The following RBFA variants were observed in gnomAD, a reference collection of about 807,000 sequenced individuals.
RBFA encodes ribosome binding factor A.
RBFA carries 16 observed loss-of-function variants against 27.9 expected under a neutral mutation model. The ratio of observed to expected loss-of-function variants is 0.57; its 90% confidence interval spans 0.39 to 0.87. The LOEUF (loss-of-function observed/expected upper bound fraction) is 0.87. Among genes scored for constraint, RBFA ranks in the 40% least tolerant of loss-of-function variants. The probability of loss-of-function intolerance (pLI) is 0.00; values close to 1 mark genes in which losing one functional copy is unlikely to be tolerated. For synonymous variants in RBFA, 181 were observed against 181.0 expected (o/e 1.00, Z 0.00); for missense variants, 456 against 432.1 (o/e 1.06, Z -0.49).
At position 80,050,058 on chromosome 18, in the gene RBFA, C is replaced by T. The variant is rs2052085621; in HGVS notation, c.*3903C>T. Among the ~76,000 whole-genome samples, 3 of 152,376 alleles carry T rather than the reference C, an allele frequency of 2.0e-5. No homozygotes were observed. The South Asian group carries it at 6.2e-4, about 32-fold the overall frequency. On this transcript the variant is annotated 3_prime_UTR_variant, in exon 7 of 7. Transcript: ENST00000306735. ...GGAATAGAAGTACAGTTTTCTTCCC[C>T]ACTCCTTTTGTCCAGAAGGAAAACC...
intron 3 of RBFA, among the ~76,000 whole-genome samples, chr18:80,038,016 G>T (rs2051992537): frequency 6.6e-6 from 1 of 152,346 alleles, no homozygotes; most frequent in African/African-American, 2.4e-5. Flanking sequence ...TGCAGAGGCA[G>T]ATGTCTCACT....
intron 6 of RBFA, 90 bp downstream of exon 6, chr18:80,044,375 TC>T: frequency 8.7e-7 from 1 of 1,143,318 alleles, no homozygotes. Context: ...CAGCGCCACA[TC>T]CCGAGTAGCC....
chr18:80,039,675 C>G (rs957836926), intron 4 of RBFA, among the ~76,000 whole-genome samples: 1 of 152,222 alleles, frequency 6.6e-6, no homozygotes, highest in Non-Finnish European at 1.5e-5. Flanking sequence ...ACTTGAGACT[C>G]TTCTGATGAG....
At chr18:80,045,059 G>A (rs2052041656) in intron 6 of RBFA, among the ~76,000 whole-genome samples, 1 of 152,244 alleles carries the variant, frequency 6.6e-6, no homozygotes, top group African/African-American at 2.4e-5. Context: ...CCAAAGTGGA[G>A]CCTTGGAGGA....
intron 2 of RBFA, among the ~76,000 whole-genome samples, chr18:80,036,992 G>T (rs746096599): frequency 1.5e-4 from 23 of 152,100 alleles, no homozygotes; most frequent in Non-Finnish European, 2.9e-4. Flanking sequence ...ACAATATATG[G>T]CTCCCATTCT....
chr18:80,040,228 G>C (rs1355592681), intron 4 of RBFA, among the ~76,000 whole-genome samples: 1 of 136,276 alleles, frequency 7.3e-6, no homozygotes, highest in Non-Finnish European at 1.6e-5. Context: ...ACACATAACT[G>C]GGAGGCCTGA....
At chr18:80,042,747 CAG>C (rs2052024919) in intron 5 of RBFA, among the ~76,000 whole-genome samples, 1 of 149,964 alleles carries the variant, frequency 6.7e-6, no homozygotes, top group South Asian at 2.1e-4. Context: ...CTCCAGGCAG[CAG>C]AGTGAGAGAC....
chr18:80,039,081 G>A (rs779164575), intron 4 of RBFA, among the ~76,000 whole-genome samples: 5 of 152,244 alleles, frequency 3.3e-5, no homozygotes, highest in South Asian at 2.1e-4. Context: ...TCGGGATGCC[G>A]AGGCGGGAGG....
intron 6 of RBFA, among the ~76,000 whole-genome samples, chr18:80,045,112 A>G (rs1442202982): frequency 6.6e-6 from 1 of 152,250 alleles, no homozygotes; most frequent in Non-Finnish European, 1.5e-5. Context: ...CTGTTCACCA[A>G]GAATAGACTC....
In RBFA at chr18:80,034,590, G is replaced by A. The variant is rs1270714668; in HGVS notation, c.95G>A (p.Arg32Gln). Residue 32 changes from arginine to glutamine, a missense_variant, in exon 1 of 7, where the codon CGG becomes CAG. Arg to Gln is a conservative substitution (Grantham distance 43). Coordinates refer to ENST00000306735, the MANE Select transcript of RBFA (RefSeq NM_024805.3). ...GCTGCGCTATTTCCAGGCTGCGAGC[G>A]GGGACTTCACTGCTCTGCTGTCTCC... ...RDAALFPGCERGLHCSAVSCK... is the reference protein window; with the variant it reads ...RDAALFPGCEQGLHCSAVSCK... 1.2e-6 allele frequency: 2 copies of A among 1,609,562 alleles called. No individual in the cohort carries two copies. The highest frequency in any genetic ancestry group is 2.7e-5 in the African/African-American group (2 of 74,622).
At position 80,036,656 on chromosome 18, in the gene RBFA, T is replaced by G. The variant is rs746363599; in HGVS notation, c.159-12T>G. On this transcript the variant is annotated splice_polypyrimidine_tract_variant and intron_variant, in intron 1 of 6. Coordinates refer to ENST00000306735, the MANE Select transcript of RBFA (RefSeq NM_024805.3). Reference sequence around the variant, plus strand: ...TGCCATCACTAACATAATGCTTATTTTCTCCCCAAAGAAAAAAGGTTTGGT... The same window carrying G: ...TGCCATCACTAACATAATGCTTATTGTCTCCCCAAAGAAAAAAGGTTTGGT... 6.2e-7 allele frequency: 1 copy of G among 1,609,754 alleles called. No individual in the cohort carries two copies. Among genetic ancestry groups the G allele is most frequent in the Admixed American group, 1.7e-5 (1 of 59,930 alleles).
At chr18:80,040,003 G>A (rs1425183063) in intron 4 of RBFA, among the ~76,000 whole-genome samples, 5 of 152,176 alleles carry the variant, frequency 3.3e-5, no homozygotes, top group South Asian at 4.2e-4. Flanking sequence ...TCTGCCTCCC[G>A]GGTTCAAGTG....
chr18:80,044,528 C>T (rs940768780), intron 6 of RBFA, among the ~76,000 whole-genome samples: 4 of 152,208 alleles, frequency 2.6e-5, no homozygotes, highest in African/African-American at 4.8e-5. Flanking sequence ...AGGAGAGGGC[C>T]TCTTGTCCTC....
At position 80,034,530 on chromosome 18, in the gene RBFA, G is replaced by A. The variant is rs1420687553; in HGVS notation, c.35G>A (p.Arg12His). The A allele has an allele frequency of 1.3e-6, 2 of 1,588,504 alleles. No individual in the cohort carries two copies. Among genetic ancestry groups the A allele is most frequent in the Admixed American group, 1.8e-5 (1 of 55,104 alleles). The stretch of plus-strand genomic sequence containing the variant: ...GCGGCGGGCGGGCTGTGGCGCTCCC[G>A]CGCGGGTCTCCGGGCCCTGTTCCGT... ...WAAAGGLWRSRAGLRALFRSR... is the reference protein window; with the variant it reads ...WAAAGGLWRSHAGLRALFRSR... Residue 12 changes from arginine (R) to histidine (H), a missense_variant, in exon 1 of 7, where the codon CGC becomes CAC. Arg to His is a conservative substitution (Grantham distance 29). Coordinates refer to ENST00000306735, the MANE Select transcript of RBFA (RefSeq NM_024805.3).
chr18:80,043,886 C>G lies in RBFA; in HGVS notation c.577-326C>G, dbSNP rs915093106. On this transcript the variant is annotated intron_variant, in intron 5 of 6. Transcript: ENST00000306735. ...AAACTGAAGCATTTTGCAAAACTAC[C>G]TTAGAAACCAGTTAATGGTTAGTTA... Among the ~76,000 whole-genome samples, 8 of 152,336 alleles carry G rather than the reference C, an allele frequency of 5.3e-5. No homozygotes were observed. In the East Asian group the frequency reaches 1.5e-3, roughly 29 times the overall value.
At position 80,047,052 on chromosome 18, in the gene RBFA, G is replaced by A. The variant is rs1200044114; in HGVS notation, c.*897G>A. 2 of 152,246 alleles carry A rather than the reference G, an allele frequency of 1.3e-5. No homozygotes were observed. Among genetic ancestry groups the A allele is most frequent in the Non-Finnish European group, 2.9e-5 (2 of 68,058 alleles). 9.4% of individuals were successfully genotyped at this position (152,246 alleles called of 1,614,324 possible). Reference sequence around the variant, plus strand: ...ATGTCCCAGCCCCTGTGAGCTGTCAGGTTCTAAATTCAGAATTCTCTCAAT... The same window carrying A: ...ATGTCCCAGCCCCTGTGAGCTGTCAAGTTCTAAATTCAGAATTCTCTCAAT... On this transcript the variant is annotated 3_prime_UTR_variant, in exon 7 of 7. Transcript: ENST00000306735.
In RBFA at chr18:80,037,439, T is replaced by C; in HGVS notation, c.311T>C (p.Leu104Pro). 1 of 1,614,166 alleles carries C rather than the reference T, an allele frequency of 6.2e-7. No homozygotes were observed. Among genetic ancestry groups the C allele is most frequent in the Non-Finnish European group, 8.5e-7 (1 of 1,180,014 alleles). ...CTGAACGGCCTCCTCTATAAGGCAC[T>C]GACAGACCTGCTGTGTACCCCTGAA... The part of the protein sequence containing the change: ...RALNGLLYKA[L>P]TDLLCTPEVS... The change falls in exon 3 of 7, where the codon CTG becomes CCG. Residue 104 changes from leucine to proline, a missense_variant. Coordinates refer to ENST00000306735, the MANE Select transcript of RBFA (RefSeq NM_024805.3).
chr18:80,036,819 G>A, intron 2 of RBFA, 109 bp downstream of exon 2: 2 of 727,522 alleles, frequency 2.7e-6, no homozygotes, highest in Admixed American at 2.7e-5. Flanking sequence ...AGGGGATAGT[G>A]TCTATGTGGA....
chr18:80,037,941 G>A (rs1430240303), intron 3 of RBFA, among the ~76,000 whole-genome samples: 1 of 152,156 alleles, frequency 6.6e-6, no homozygotes, highest in African/African-American at 2.4e-5. Flanking sequence ...CTGGGTTGCA[G>A]AAATAGAAAT....
Sources: gnomAD v4.1 joint callset for allele counts (sites outside exome capture counted in the v4.1 genomes callset) on GRCh38, gnomAD v4.1.1 for gene constraint, MANE v1.5 for transcripts, NCBI Gene and HGNC (gene_info 2026-07-23, HGNC 2026-07-21) for gene names.